SH3KBP1: variants seen among roughly 807,000 people sequenced by gnomAD.
SH3KBP1 encodes the protein SH3 domain-containing kinase-binding protein 1.
SH3KBP1 carries 8 observed loss-of-function variants against 50.1 expected under a neutral mutation model. The observed-to-expected ratio is 0.16, with a 90% CI of 0.09 to 0.29. The LOEUF (loss-of-function observed/expected upper bound fraction) is 0.29. Among genes scored for constraint, SH3KBP1 ranks in the 10% least tolerant of loss-of-function variants. The pLI is 1.00. For synonymous variants in SH3KBP1, 227 were observed against 218.6 expected (o/e 1.04, Z -0.34); for missense variants, 377 against 535.2 (o/e 0.70, Z 2.92).
intron 3 of SH3KBP1, among the ~76,000 whole-genome samples, chrX:19,724,765 G>A (rs1246351521): frequency 8.9e-6 from 1 of 112,499 alleles, no homozygotes; most frequent in Non-Finnish European, 1.9e-5. Flanking sequence ...AAGAACAAGA[G>A]ACATGGCTAA....
At chrX:19,827,948 G>A (rs1311035359) in intron 2 of SH3KBP1, among the ~76,000 whole-genome samples, 1 of 108,135 alleles carries the variant, frequency 9.2e-6, no homozygotes, top group Non-Finnish European at 1.9e-5. Flanking sequence ...TAGAAACTAG[G>A]CAAAAAAGAT....
chrX:19,885,524 A>C (rs1274498899), intron 1 of SH3KBP1, among the ~76,000 whole-genome samples: 1 of 111,994 alleles, frequency 8.9e-6, no homozygotes, highest in Non-Finnish European at 1.9e-5. Flanking sequence ...TTTCGTAGGA[A>C]GTTCTGAAGA....
intron 3 of SH3KBP1, among the ~76,000 whole-genome samples, chrX:19,741,010 G>A (rs1360004177): frequency 1.8e-5 from 2 of 112,966 alleles, no homozygotes; most frequent in Admixed American, 9.3e-5. Context: ...GACAGCTACA[G>A]GTAGCAGACC....
At chrX:19,722,373 A>T (rs772887415) in intron 3 of SH3KBP1, among the ~76,000 whole-genome samples, 1 of 111,397 alleles carries the variant, frequency 9.0e-6, no homozygotes, top group Non-Finnish European at 1.9e-5. Context: ...CCCTCCCCCA[A>T]CTCAGCCCTA....
At chrX:19,603,187 T>C (rs1474132235) in intron 9 of SH3KBP1, among the ~76,000 whole-genome samples, 1 of 112,221 alleles carries the variant, frequency 8.9e-6, no homozygotes, top group Non-Finnish European at 1.9e-5. Context: ...TTGGCAGATC[T>C]TTCCCTTTGG....
intron 5 of SH3KBP1, chrX:19,694,987 G>A (rs1311157514): frequency 8.4e-7 from 1 of 1,193,394 alleles, no homozygotes; most frequent in Non-Finnish European, 1.1e-6. Flanking sequence ...AAGTTTCCCG[G>A]TCCTGACCTT....
At chrX:19,830,070 T>G (rs1296031728) in intron 2 of SH3KBP1, among the ~76,000 whole-genome samples, 2 of 111,360 alleles carry the variant, frequency 1.8e-5, no homozygotes, top group Non-Finnish European at 3.8e-5. Context: ...GCTTCTTTAC[T>G]GCAACCTGTT....
intron 2 of SH3KBP1, among the ~76,000 whole-genome samples, chrX:19,750,773 T>C (rs1232018896): frequency 9.0e-6 from 1 of 111,332 alleles, no homozygotes; most frequent in East Asian, 2.8e-4. Flanking sequence ...GGCTTATAAA[T>C]TAAAGTGCTT....
At chrX:19,551,271 C>G in intron 13 of SH3KBP1, among the ~76,000 whole-genome samples, 1 of 111,213 alleles carries the variant, frequency 9.0e-6, no homozygotes, top group East Asian at 2.8e-4. Flanking sequence ...GTTAACCATC[C>G]GCAGAGATGG....
At chrX:19,830,099 T>C (rs1441551021) in intron 2 of SH3KBP1, among the ~76,000 whole-genome samples, 1 of 111,379 alleles carries the variant, frequency 9.0e-6, no homozygotes, top group Admixed American at 9.6e-5. Context: ...AAGGTCTTTA[T>C]GATCTGTATC....
At chrX:19,799,852 C>T (rs1166664740) in intron 2 of SH3KBP1, 2 of 1,013,786 alleles carry the variant, frequency 2.0e-6, no homozygotes, top group Non-Finnish European at 1.3e-6. Flanking sequence ...CACACTCACA[C>T]TGGTGGTTTT....
chrX:19,871,922 T>C (rs900874014), intron 1 of SH3KBP1, among the ~76,000 whole-genome samples: 6 of 110,592 alleles, frequency 5.4e-5, no homozygotes, highest in Non-Finnish European at 1.1e-4. Context: ...TTCCCTATGG[T>C]TCTGGGAAAC....
intron 2 of SH3KBP1, among the ~76,000 whole-genome samples, chrX:19,761,280 T>G (rs1180958493): frequency 4.0e-3 from 155 of 39,178 alleles, no homozygotes; most frequent in Middle Eastern, 0.023. Context: ...AGAGAGGAAG[T>G]AGGGGAGAGA....
In SH3KBP1 at chrX:19,536,419, A is replaced by G. The variant is rs1364891509; in HGVS notation, c.1996T>C (p.Ter666ArgextTer5). The G allele has an allele frequency of 2.2e-5, 25 of 1,139,796 alleles. No homozygotes were observed. The highest frequency in any genetic ancestry group is 2.9e-5 in the Non-Finnish European group (24 of 840,776). The allele number at this position is 1,139,796 out of a possible 1,213,427, so 93.9% of individuals were successfully genotyped here. Residue 666 changes from the stop codon to arginine (R), a stop_lost, in exon 18 of 18, where the codon TGA (stop) becomes CGA (arginine). Coordinates refer to ENST00000397821, the MANE Select transcript of SH3KBP1 (RefSeq NM_031892.3). ...NDIKKALQSK[*>R] The stretch of plus-strand genomic sequence containing the variant: ...GTGACATTTCATTGATCAAGTATTC[A>G]TTTTGATTGTAGAGCTTTCTTTATG...
At chrX:19,837,245 C>G (rs1040403406) in intron 1 of SH3KBP1, among the ~76,000 whole-genome samples, 1 of 111,651 alleles carries the variant, frequency 9.0e-6, no homozygotes, top group Non-Finnish European at 1.9e-5. Flanking sequence ...TGAGCTCTTA[C>G]GCATCAATTC....
intron 1 of SH3KBP1, among the ~76,000 whole-genome samples, chrX:19,870,011 G>A (rs1350566198): frequency 5.4e-5 from 6 of 112,054 alleles, no homozygotes; most frequent in African/African-American, 1.6e-4. Flanking sequence ...AAAGTCCATC[G>A]GGGAGAAAGG....
chrX:19,661,703 T>C (rs1425578325), intron 6 of SH3KBP1, among the ~76,000 whole-genome samples: 2 of 104,767 alleles, frequency 1.9e-5, no homozygotes, highest in Non-Finnish European at 2.0e-5. Flanking sequence ...CTCGGCTCAC[T>C]GCAACCTCCG....
intron 14 of SH3KBP1, 33 bp downstream of exon 14, chrX:19,549,941 G>A: frequency 9.8e-7 from 1 of 1,015,249 alleles, no homozygotes; most frequent in Non-Finnish European, 1.4e-6. Flanking sequence ...CTGTAGAGAA[G>A]TAAGGGAACA....
At chrX:19,615,653 T>C (rs1173241922) in intron 8 of SH3KBP1, among the ~76,000 whole-genome samples, 3 of 112,070 alleles carry the variant, frequency 2.7e-5, no homozygotes, top group African/African-American at 9.7e-5. Flanking sequence ...GCAATTATTC[T>C]GCATGGCTGG....
Sources: gnomAD v4.1 joint callset for allele counts (sites outside exome capture counted in the v4.1 genomes callset) on GRCh38, gnomAD v4.1.1 for gene constraint, MANE v1.5 for transcripts, NCBI Gene and HGNC (gene_info 2026-07-23, HGNC 2026-07-21) for gene names.